The following IL1RAPL2 variants were observed in gnomAD, a reference collection of about 807,000 sequenced individuals.
IL1RAPL2 encodes the protein X-linked interleukin-1 receptor accessory protein-like 2.
IL1RAPL2 carries 3 observed loss-of-function variants against 44.1 expected under a neutral mutation model. That is an observed-to-expected ratio of 0.07 (90% CI 0.03 to 0.18). IL1RAPL2 has a LOEUF of 0.18. Among genes scored for constraint, IL1RAPL2 ranks in the 10% least tolerant of loss-of-function variants. The pLI, the probability that IL1RAPL2 is intolerant of heterozygous loss-of-function variation, is 1.00. For missense variants in IL1RAPL2, 391 were observed against 496.4 expected, an observed-to-expected ratio of 0.79 and a Z score of 2.02; for synonymous variants, 181 against 178.8, an observed-to-expected ratio of 1.01 and a Z score of -0.10.
At chrX:104,910,839 G>A (rs753604637) in intron 2 of IL1RAPL2, among the ~76,000 whole-genome samples, 1 of 111,872 alleles carries the variant, frequency 8.9e-6, no homozygotes, top group Non-Finnish European at 1.9e-5. Context: ...TATATTTTCA[G>A]ATCTTCCTTA....
intron 2 of IL1RAPL2, among the ~76,000 whole-genome samples, chrX:104,904,950 C>A (rs1335593208): frequency 9.0e-6 from 1 of 111,297 alleles, no homozygotes; most frequent in African/African-American, 3.3e-5. Flanking sequence ...TTCTCCACAT[C>A]CTCTCCAACA....
chrX:104,667,034 A>G (rs763735333), intron 2 of IL1RAPL2, among the ~76,000 whole-genome samples: 4 of 111,253 alleles, frequency 3.6e-5, no homozygotes, highest in Admixed American at 2.9e-4. Flanking sequence ...TTGACATTCA[A>G]TGACCTTCCC....
chrX:105,673,936 T>G (rs1359147217), intron 6 of IL1RAPL2, among the ~76,000 whole-genome samples: 3 of 112,322 alleles, frequency 2.7e-5, no homozygotes, highest in Non-Finnish European at 5.6e-5. Context: ...TGATCTTTTT[T>G]TCATATGTTT....
chrX:105,447,575 A>G (rs1305043481), intron 5 of IL1RAPL2, among the ~76,000 whole-genome samples: 1 of 79,017 alleles, frequency 1.3e-5, no homozygotes, highest in African/African-American at 5.2e-5. Flanking sequence ...ATATAAACAT[A>G]AATATATATT....
At chrX:104,874,059 G>A (rs1019893008) in intron 2 of IL1RAPL2, among the ~76,000 whole-genome samples, 1 of 110,485 alleles carries the variant, frequency 9.1e-6, no homozygotes, top group Admixed American at 9.6e-5. Flanking sequence ...CTTTGATGCT[G>A]CCAGGATACA....
At chrX:104,696,918 A>G (rs1382553757) in intron 2 of IL1RAPL2, among the ~76,000 whole-genome samples, 1 of 111,970 alleles carries the variant, frequency 8.9e-6, no homozygotes, top group East Asian at 2.8e-4. Flanking sequence ...CACACCGTCT[A>G]GTTGATTTTT....
intron 2 of IL1RAPL2, among the ~76,000 whole-genome samples, chrX:105,143,141 A>G (rs189945433): frequency 2.1e-3 from 231 of 111,650 alleles, no homozygotes; most frequent in Non-Finnish European, 3.5e-3. Flanking sequence ...AGAAACTACC[A>G]TCAGAGTGAA....
chrX:105,361,272 A>G (rs1434811950), intron 5 of IL1RAPL2, among the ~76,000 whole-genome samples: 1 of 111,855 alleles, frequency 8.9e-6, no homozygotes, highest in Admixed American at 9.6e-5. Flanking sequence ...ATCCAGCTTT[A>G]CTGACATATT....
At chrX:105,498,838 A>T (rs974582398) in intron 6 of IL1RAPL2, among the ~76,000 whole-genome samples, 1 of 112,026 alleles carries the variant, frequency 8.9e-6, no homozygotes, top group Non-Finnish European at 1.9e-5. Context: ...CTGGGGCCAC[A>T]GAACAGTACC....
intron 5 of IL1RAPL2, among the ~76,000 whole-genome samples, chrX:105,465,949 G>C (rs927053479): frequency 9.0e-6 from 1 of 111,567 alleles, no homozygotes; most frequent in African/African-American, 3.3e-5. Flanking sequence ...AAGATCCCTT[G>C]AGCAGGCTTG....
chrX:105,357,967 T>C (rs1250335149), intron 5 of IL1RAPL2, among the ~76,000 whole-genome samples: 2 of 101,374 alleles, frequency 2.0e-5, no homozygotes, highest in Non-Finnish European at 3.9e-5. Context: ...CCCAAGAGTT[T>C]GAGGCTGCAG....
At chrX:104,704,985 A>G (rs986663178) in intron 2 of IL1RAPL2, among the ~76,000 whole-genome samples, 3 of 111,670 alleles carry the variant, frequency 2.7e-5, no homozygotes, top group African/African-American at 9.8e-5. Context: ...TTACTTTTCT[A>G]TTGGGAAGAT....
chrX:105,540,920 G>A lies in IL1RAPL2; in HGVS notation c.772+56533G>A, dbSNP rs368457820. Among the ~76,000 whole-genome samples the A allele has an allele frequency of 1.6e-4, 2 of 12,597 alleles. 1 individual carries two copies. The highest frequency in any genetic ancestry group is 3.2e-4 in the Non-Finnish European group (2 of 6,235). 10.9% of individuals were successfully genotyped at this position (12,597 alleles called of 115,157 possible). A position where few individuals can be genotyped will look rare whatever the true frequency, so the allele number is the denominator to read the frequency against. ...TATAATACATACATATATTATATAT[G>A]ATATATAATATATACATATATTATA... On this transcript the variant is annotated intron_variant, in intron 6 of 10. Coordinates refer to ENST00000372582, the MANE Select transcript of IL1RAPL2 (RefSeq NM_017416.2).
At chrX:104,829,580 C>A (rs1486033325) in intron 2 of IL1RAPL2, among the ~76,000 whole-genome samples, 1 of 112,545 alleles carries the variant, frequency 8.9e-6, no homozygotes, top group Non-Finnish European at 1.9e-5. Flanking sequence ...ATTCGGCCAT[C>A]TTGGTAAATC....
At chrX:105,216,185 C>T (rs1603013296) in intron 3 of IL1RAPL2, among the ~76,000 whole-genome samples, 3 of 111,114 alleles carry the variant, frequency 2.7e-5, no homozygotes, top group Non-Finnish European at 3.8e-5. Flanking sequence ...TGTTTGCAGA[C>T]GACATGATTG....
At chrX:105,465,514 T>A (rs1274003157) in intron 5 of IL1RAPL2, among the ~76,000 whole-genome samples, 1 of 111,992 alleles carries the variant, frequency 8.9e-6, no homozygotes, top group African/African-American at 3.2e-5. Flanking sequence ...AAGACAGACT[T>A]GCTTTTACCT....
chrX:104,901,297 G>A (rs1434813588), intron 2 of IL1RAPL2, among the ~76,000 whole-genome samples: 31 of 89,338 alleles, frequency 3.5e-4, no homozygotes, highest in South Asian at 2.1e-3. Flanking sequence ...TGCAAGCTCC[G>A]CCTCCCGGGT....
At chrX:104,838,423 T>G (rs1921800572) in intron 2 of IL1RAPL2, among the ~76,000 whole-genome samples, 1 of 111,097 alleles carries the variant, frequency 9.0e-6, no homozygotes, top group South Asian at 3.9e-4. Context: ...TTGTAGTTCT[T>G]GATGAGGTCC....
At chrX:105,613,066 T>C (rs2037348467) in intron 6 of IL1RAPL2, among the ~76,000 whole-genome samples, 1 of 111,433 alleles carries the variant, frequency 9.0e-6, no homozygotes, top group Non-Finnish European at 1.9e-5. Flanking sequence ...GCTGAACAGC[T>C]TGTGGCTCCA....
Sources: gnomAD v4.1 joint callset for allele counts (sites outside exome capture counted in the v4.1 genomes callset) on GRCh38, gnomAD v4.1.1 for gene constraint, MANE v1.5 for transcripts, NCBI Gene and HGNC (gene_info 2026-07-23, HGNC 2026-07-21) for gene names.